The following ZNF675 variants were observed in gnomAD, a reference collection of about 807,000 sequenced individuals.
ZNF675 encodes the protein TRAF6 inhibitory zinc finger.
ZNF675 carries 36 observed loss-of-function variants against 56.1 expected under a neutral mutation model. The observed-to-expected ratio is 0.64, with a 90% CI of 0.49 to 0.85. The LOEUF (loss-of-function observed/expected upper bound fraction) is 0.85. Ranked by LOEUF, ZNF675 falls within the 40% of genes least tolerant of loss-of-function variation. ZNF675 has a pLI of 0.00. For missense variants in ZNF675, 663 were observed against 654.2 expected, an observed-to-expected ratio of 1.01 and a Z score of -0.15; for synonymous variants, 200 against 218.9, an observed-to-expected ratio of 0.91 and a Z score of 0.76.
chr19:23,679,747 T>C (rs1968350943), intron 1 of ZNF675, among the ~76,000 whole-genome samples: 1 of 151,446 alleles, frequency 6.6e-6, no homozygotes, highest in Non-Finnish European at 1.5e-5. Context: ...TCCCAGCACT[T>C]TGGGATGCAG....
At position 23,663,267 on chromosome 19, in the gene ZNF675, T is replaced by A; in HGVS notation, c.4-109A>T. The A allele has an allele frequency of 2.4e-5, 31 of 1,306,932 alleles. No homozygotes were observed. In the South Asian group the frequency reaches 4.1e-4, roughly 17 times the overall value. The allele number at this position is 1,306,932 out of a possible 1,614,324, so 81.0% of individuals were successfully genotyped here. On this transcript the variant is annotated intron_variant, in intron 1 of 3. Transcript: ENST00000359788. ...GAGAACAGGTTCTGATTTATAGGAG[T>A]GACTGAAATTATCCAATAAAATCAT...
intron 2 of ZNF675, among the ~76,000 whole-genome samples, chr19:23,662,771 C>T (rs1206846855): frequency 6.6e-6 from 1 of 151,640 alleles, no homozygotes; most frequent in Non-Finnish European, 1.5e-5. Context: ...TCTGAGGTCA[C>T]GAGTTCGAGA....
At chr19:23,670,158 C>A (rs1968210326) in intron 1 of ZNF675, among the ~76,000 whole-genome samples, 1 of 152,156 alleles carries the variant, frequency 6.6e-6, no homozygotes, top group Non-Finnish European at 1.5e-5. Context: ...AACTCTATTT[C>A]CAATTCTGAT....
chr19:23,654,508 T>A lies in ZNF675; in HGVS notation c.425A>T (p.Lys142Ile). The A allele has an allele frequency of 1.9e-6, 3 of 1,604,856 alleles. No homozygotes were observed. The South Asian group carries it at 3.3e-5, about 18-fold the overall frequency. ...CACATATTTATCACATTGAAACATT[T>A]TGCTCTGCATAGTTGGTAAACATTG... is the stretch of plus-strand genomic sequence containing the variant. ...LNQCLPTMQS[K>I]MFQCDKYVKV... The change falls in exon 4 of 4, where the codon AAA becomes ATA. Residue 142 changes from lysine (K) to isoleucine (I), a missense_variant. This residue lies in a region of ZNF675 where 617 missense variants were observed against 590.5 expected (regional missense o/e 1.04). Coordinates refer to ENST00000359788, the MANE Select transcript of ZNF675 (RefSeq NM_138330.3).
intron 1 of ZNF675, among the ~76,000 whole-genome samples, chr19:23,679,746 T>G (rs572579953): frequency 6.6e-6 from 1 of 151,456 alleles, no homozygotes; most frequent in African/African-American, 2.4e-5. Context: ...ATCCCAGCAC[T>G]TTGGGATGCA....
At chr19:23,667,671 G>A (rs1380836460) in intron 1 of ZNF675, among the ~76,000 whole-genome samples, 3 of 151,764 alleles carry the variant, frequency 2.0e-5, no homozygotes, top group Admixed American at 6.6e-5. Context: ...TAGATACAGA[G>A]TGTCAATTGG....
At chr19:23,668,867 C>T (rs1299323692) in intron 1 of ZNF675, among the ~76,000 whole-genome samples, 1 of 152,192 alleles carries the variant, frequency 6.6e-6, no homozygotes, top group Non-Finnish European at 1.5e-5. Context: ...CCAGCTGGCC[C>T]GCAAGCACCG....
In ZNF675 at chr19:23,652,836, CTT is replaced by C. The variant is rs1178511552; in HGVS notation, c.*388_*389del. On this transcript the variant is annotated 3_prime_UTR_variant, in exon 4 of 4. Coordinates refer to ENST00000359788, the MANE Select transcript of ZNF675 (RefSeq NM_138330.3). ...CTACAACCCTCTTTATGTTTGTAAT[CTT>C]TGTCTTCAAAACGAATACTCTTCTT... 6.2e-6 allele frequency: 1 copy of C among 162,302 alleles called. No individual in the cohort carries two copies. The highest frequency in any genetic ancestry group is 1.4e-5 in the Non-Finnish European group (1 of 73,960). The allele number at this position is 162,302 out of a possible 1,614,324, so 10.1% of individuals were successfully genotyped here.
At chr19:23,665,497 G>A (rs1439094031) in intron 1 of ZNF675, among the ~76,000 whole-genome samples, 1 of 151,752 alleles carries the variant, frequency 6.6e-6, no homozygotes. Context: ...TTGTTCTTTG[G>A]GTTTTTGTGT....
At chr19:23,658,218 A>C (rs1254757041) in intron 3 of ZNF675, among the ~76,000 whole-genome samples, 7 of 151,762 alleles carry the variant, frequency 4.6e-5, no homozygotes. Flanking sequence ...AAAATTAGCC[A>C]GGTGTGGTGG....
intron 1 of ZNF675, among the ~76,000 whole-genome samples, chr19:23,666,085 C>T (rs1202485487): frequency 3.9e-5 from 6 of 152,172 alleles, no homozygotes; most frequent in African/African-American, 1.4e-4. Context: ...AGGCAGGGAA[C>T]CTAAGACCAT....
At chr19:23,683,661 C>T (rs1477967532) in intron 1 of ZNF675, among the ~76,000 whole-genome samples, 3 of 152,196 alleles carry the variant, frequency 2.0e-5, no homozygotes, top group East Asian at 3.9e-4. Flanking sequence ...ACCTCGTGAT[C>T]TGCCCACCTC....
intron 1 of ZNF675, among the ~76,000 whole-genome samples, chr19:23,683,295 G>A (rs1396851201): frequency 2.0e-5 from 3 of 151,670 alleles, no homozygotes; most frequent in Admixed American, 2.0e-4. Flanking sequence ...CAGAAATCAA[G>A]ATCATAGGAT....
chr19:23,678,135 C>A (rs1968324530), intron 1 of ZNF675, among the ~76,000 whole-genome samples: 1 of 151,532 alleles, frequency 6.6e-6, no homozygotes, highest in African/African-American at 2.4e-5. Flanking sequence ...GAAAAAAAGT[C>A]AGAGATGACG....
chr19:23,662,069 C>A (rs1049435653), intron 3 of ZNF675, 45 bp downstream of exon 3: 3 of 1,385,804 alleles, frequency 2.2e-6, no homozygotes, highest in Non-Finnish European at 3.1e-6. Flanking sequence ...ACCTTTGGAC[C>A]TCTCATCAGT....
At chr19:23,683,372 T>C (rs1286357641) in intron 1 of ZNF675, among the ~76,000 whole-genome samples, 1 of 149,612 alleles carries the variant, frequency 6.7e-6, no homozygotes, top group Middle Eastern at 3.2e-3. Context: ...CATGAATCTA[T>C]GTAACTCACC....
chr19:23,655,006 C>G (rs1049261376), intron 3 of ZNF675: 3 of 191,650 alleles, frequency 1.6e-5, no homozygotes, highest in Admixed American at 6.0e-5. Flanking sequence ...GAGGCTGAAG[C>G]GGGCGGATCA....
chr19:23,678,119 TG>T (rs1419033719), intron 1 of ZNF675, among the ~76,000 whole-genome samples: 1 of 151,486 alleles, frequency 6.6e-6, no homozygotes, highest in Non-Finnish European at 1.5e-5. Context: ...AAAACTGTCT[TG>T]GGGGGAAAAA....
rs756803463 is a variant in ZNF675, at chr19:23,654,336, G to A, written c.597C>T (p.Phe199=). Residue 199 remains phenylalanine (F), a synonymous_variant, in exon 4 of 4, where the codon TTC becomes TTT. Transcript: ENST00000359788. ...RHERNYTKVN[F]CKCEECEKAV... is the part of the protein sequence containing the mutation. ...CTTTTTCACATTCTTCACATTTGCA[G>A]AAATTCACCTTGGTATAATTTCTTT... 5.0e-6 allele frequency: 8 copies of A among 1,611,662 alleles called. No homozygotes were observed. The highest frequency in any genetic ancestry group is 1.7e-4 in the Middle Eastern group (1 of 6,030).
Sources: allele counts gnomAD v4.1 joint callset (sites outside exome capture counted in the v4.1 genomes callset), GRCh38; gene constraint gnomAD v4.1.1; regional missense constraint gnomAD v4.1.1; transcripts MANE v1.5; gene names NCBI Gene and HGNC (gene_info 2026-07-23, HGNC 2026-07-21).